Variants in FBXL17 observed in about 807,000 individuals in gnomAD.
The protein encoded by FBXL17 is F-box and leucine rich repeat protein 17.
In FBXL17, 22 loss-of-function variants were observed where a neutral mutation model predicts 66.2. That is an observed-to-expected ratio of 0.33 (90% CI 0.24 to 0.47). The LOEUF (loss-of-function observed/expected upper bound fraction) is 0.47, where lower values mean the gene tolerates loss of function less well. Among genes scored for constraint, FBXL17 ranks in the 20% least tolerant of loss-of-function variants. The pLI is 1.00. For missense variants in FBXL17, 878 were observed against 948.2 expected, an observed-to-expected ratio of 0.93 and a Z score of 0.97; for synonymous variants, 474 against 400.5, an observed-to-expected ratio of 1.18 and a Z score of -2.19.
chr5:107,980,926 G>A (rs1449999504), intron 7 of FBXL17, among the ~76,000 whole-genome samples: 2 of 151,892 alleles, frequency 1.3e-5, no homozygotes, highest in Non-Finnish European at 2.9e-5. Context: ...TTACAGGCAT[G>A]AGGCACCGCG....
chr5:107,971,086 G>A (rs184118800), intron 7 of FBXL17, among the ~76,000 whole-genome samples: 53 of 152,206 alleles, frequency 3.5e-4, no homozygotes, highest in Non-Finnish European at 6.9e-4. Context: ...ATTCCAAAAG[G>A]ATTGATATAT....
chr5:107,898,515 A>G (rs1450403063), intron 7 of FBXL17, among the ~76,000 whole-genome samples: 1 of 152,160 alleles, frequency 6.6e-6, no homozygotes. Flanking sequence ...TTTTATTATT[A>G]TATTTTACAG....
intron 6 of FBXL17, among the ~76,000 whole-genome samples, chr5:108,057,928 C>G (rs572965175): frequency 1.3e-5 from 2 of 152,104 alleles, no homozygotes; most frequent in Non-Finnish European, 2.9e-5. Context: ...AAAAACACCA[C>G]GTGAGGTGGT....
intron 7 of FBXL17, among the ~76,000 whole-genome samples, chr5:108,001,100 C>G (rs1753703324): frequency 6.6e-6 from 1 of 152,000 alleles, no homozygotes; most frequent in Admixed American, 6.6e-5. Context: ...ACCTCAAAGC[C>G]CTAAATAACC....
chr5:108,025,905 G>A (rs368651062), intron 6 of FBXL17, among the ~76,000 whole-genome samples: 2 of 144,698 alleles, frequency 1.4e-5, no homozygotes, highest in African/African-American at 2.4e-5. Context: ...ACACAATTTG[G>A]TATCTTACAG....
chr5:108,247,778 C>CACAA (rs1756170137), intron 4 of FBXL17, among the ~76,000 whole-genome samples: 1 of 152,168 alleles, frequency 6.6e-6, no homozygotes, highest in South Asian at 2.1e-4. Context: ...CATCATTCAT[C>CACAA]TACATGATAC....
At chr5:108,086,753 GT>G (rs1204062826) in intron 6 of FBXL17, among the ~76,000 whole-genome samples, 2 of 152,060 alleles carry the variant, frequency 1.3e-5, no homozygotes, top group Non-Finnish European at 2.9e-5. Context: ...TAGAGTAGGG[GT>G]TTCACCATGT....
At chr5:107,993,935 C>T (rs73204799) in intron 7 of FBXL17, among the ~76,000 whole-genome samples, 10 of 152,160 alleles carry the variant, frequency 6.6e-5, no homozygotes, top group South Asian at 4.1e-4. Context: ...TAAGAATATA[C>T]ATTCCCCTCA....
At chr5:108,217,982 T>C (rs955072386) in intron 5 of FBXL17, among the ~76,000 whole-genome samples, 9 of 151,792 alleles carry the variant, frequency 5.9e-5, no homozygotes, top group Admixed American at 1.3e-4. Flanking sequence ...TAGTATTCCA[T>C]TGTGTGTATA....
chr5:108,279,948 A>C (rs761083660), intron 4 of FBXL17, among the ~76,000 whole-genome samples: 165 of 152,214 alleles, frequency 1.1e-3, no homozygotes, highest in Non-Finnish European at 1.4e-3. Flanking sequence ...AAAAAAGAAT[A>C]ATCTAAGCCT....
At chr5:108,136,029 G>A (rs542499560) in intron 6 of FBXL17, among the ~76,000 whole-genome samples, 2 of 152,022 alleles carry the variant, frequency 1.3e-5, no homozygotes, top group South Asian at 2.1e-4. Context: ...CAAAATAGGA[G>A]GAAAAAAGTT....
At chr5:108,219,153 T>TA (rs1754739470) in intron 5 of FBXL17, among the ~76,000 whole-genome samples, 1 of 152,244 alleles carries the variant, frequency 6.6e-6, no homozygotes, top group Non-Finnish European at 1.5e-5. Flanking sequence ...TGGGTAATAA[T>TA]AGTCTCTTTT....
chr5:108,234,343 T>C (rs1328988942), intron 4 of FBXL17, among the ~76,000 whole-genome samples: 1 of 152,168 alleles, frequency 6.6e-6, no homozygotes, highest in Non-Finnish European at 1.5e-5. Context: ...TCTCTATCCA[T>C]CATCTGAGAG....
chr5:108,259,129 A>G (rs1446261398), intron 4 of FBXL17, among the ~76,000 whole-genome samples: 1 of 152,162 alleles, frequency 6.6e-6, no homozygotes, highest in Non-Finnish European at 1.5e-5. Context: ...AGAATTGAAG[A>G]AAAGACAGCA....
intron 7 of FBXL17, among the ~76,000 whole-genome samples, chr5:108,008,035 T>C (rs951823445): frequency 6.6e-6 from 1 of 152,070 alleles, no homozygotes; most frequent in Non-Finnish European, 1.5e-5. Flanking sequence ...GACAGAAATG[T>C]GGGGGGAATA....
At chr5:108,073,636 C>G (rs72798146) in intron 6 of FBXL17, among the ~76,000 whole-genome samples, 5,225 of 152,268 alleles carry the variant, frequency 0.034, 129 homozygotes, top group Non-Finnish European at 0.052. Flanking sequence ...CGAGGCTTTA[C>G]AGTACACTAT....
Position 108,031,330 on chromosome 5 carries a change from A to T in FBXL17, c.1746-10329T>A, listed in dbSNP as rs538143699. On this transcript the variant is annotated intron_variant, in intron 6 of 8. Coordinates refer to ENST00000542267, the MANE Select transcript of FBXL17 (RefSeq NM_001163315.3). ...ATAAAAGAAATATTTGAGAAAGGCAATGAGGGTAAAAAATAGGTAGAAAAA... is the reference window on the plus strand; with the variant it reads ...ATAAAAGAAATATTTGAGAAAGGCATTGAGGGTAAAAAATAGGTAGAAAAA... Among the ~76,000 whole-genome samples the T allele has an allele frequency of 3.0e-3, 459 of 152,266 alleles. 2 individuals are homozygous for T. The highest frequency in any genetic ancestry group is 0.01 in the African/African-American group (429 of 41,572).
chr5:108,208,156 A>T (rs1243307451), intron 5 of FBXL17, among the ~76,000 whole-genome samples: 1 of 151,978 alleles, frequency 6.6e-6, no homozygotes, highest in African/African-American at 2.4e-5. Flanking sequence ...CCACTTTTTG[A>T]TGGAGTTGTT....
In FBXL17 at chr5:108,272,284, A is replaced by G. The variant is rs142969329; in HGVS notation, c.1507-48056T>C. Among the ~76,000 whole-genome samples, 1,309 of 152,156 alleles carry G rather than the reference A, an allele frequency of 8.6e-3. 8 individuals are homozygous for G. The highest frequency in any genetic ancestry group is 0.015 in the Non-Finnish European group (997 of 67,986). On this transcript the variant is annotated intron_variant, in intron 4 of 8. Transcript: ENST00000542267. ...CCAACCTGGGCGACAGCAAGACTCC[A>G]TCTCCAAAAAAAATAAATAAATAAA...
Sources: gnomAD v4.1 joint callset for allele counts (sites outside exome capture counted in the v4.1 genomes callset) on GRCh38, gnomAD v4.1.1 for gene constraint, MANE v1.5 for transcripts, NCBI Gene and HGNC (gene_info 2026-07-23, HGNC 2026-07-21) for gene names.